DLG2: variants seen among roughly 807,000 people sequenced by gnomAD.
DLG2 encodes disks large homolog 2.
A neutral mutation model predicts 132.5 loss-of-function variants in DLG2; 45 were observed. The ratio of observed to expected loss-of-function variants is 0.34; its 90% CI spans 0.27 to 0.44. The LOEUF is 0.44. Ranked by LOEUF, DLG2 falls within the 20% of genes least tolerant of loss-of-function variation. The probability of loss-of-function intolerance (pLI) is 1.00; values close to 1 mark genes in which losing one functional copy is unlikely to be tolerated. For synonymous variants in DLG2, 424 were observed against 419.6 expected, an observed-to-expected ratio of 1.01 and a Z score of -0.13; for missense variants, 1,045 against 1,196.9, an observed-to-expected ratio of 0.87 and a Z score of 1.87.
chr11:83,879,206 G>C (rs1283307420), intron 15 of DLG2, among the ~76,000 whole-genome samples: 1 of 152,206 alleles, frequency 6.6e-6, no homozygotes, highest in Non-Finnish European at 1.5e-5. Flanking sequence ...GAGGCAATGA[G>C]AGGCAGGATA....
chr11:83,608,262 G>A (rs183154910), intron 19 of DLG2, among the ~76,000 whole-genome samples: 1 of 152,150 alleles, frequency 6.6e-6, no homozygotes, highest in African/African-American at 2.4e-5. Flanking sequence ...GCCTACAGTG[G>A]GCAAAATCAT....
At chr11:83,489,700 G>A (rs187205877) in intron 21 of DLG2, among the ~76,000 whole-genome samples, 8 of 150,412 alleles carry the variant, frequency 5.3e-5, no homozygotes, top group Non-Finnish European at 1.0e-4. Flanking sequence ...TAGTACTTAT[G>A]TACCCCCTGA....
intron 3 of DLG2, among the ~76,000 whole-genome samples, chr11:85,451,970 C>CT (rs1002337443): frequency 5.3e-5 from 8 of 151,726 alleles, no homozygotes; most frequent in Non-Finnish European, 1.2e-4. Flanking sequence ...GCTGAAATTT[C>CT]TTTTTTTTAT....
At chr11:83,576,056 A>G (rs964488388) in intron 19 of DLG2, among the ~76,000 whole-genome samples, 3 of 152,208 alleles carry the variant, frequency 2.0e-5, no homozygotes, top group African/African-American at 2.4e-5. Context: ...GACATGAAAC[A>G]TATAAAAAAA....
chr11:84,280,923 G>A (rs1460419801), intron 7 of DLG2, among the ~76,000 whole-genome samples: 9 of 110,084 alleles, frequency 8.2e-5, no homozygotes, highest in African/African-American at 3.2e-4. Flanking sequence ...GGGTTTTACT[G>A]TGTTAGCCAG....
chr11:84,207,757 A>T (rs184744084), intron 8 of DLG2, among the ~76,000 whole-genome samples: 10 of 152,318 alleles, frequency 6.6e-5, no homozygotes, highest in Admixed American at 6.5e-4. Context: ...CCAACTCACT[A>T]ACCATAAAAG....
intron 3 of DLG2, among the ~76,000 whole-genome samples, chr11:85,562,159 G>T (rs569701966): frequency 6.6e-6 from 1 of 151,940 alleles, no homozygotes; most frequent in African/African-American, 2.4e-5. Context: ...GCCCACCTGT[G>T]CTGGAGTTAA....
Position 83,769,390 on chromosome 11 carries a change from G to GA in DLG2, c.1825+17299dup, listed in dbSNP as rs560063052. On this transcript the variant is annotated intron_variant, in intron 18 of 27. Coordinates refer to ENST00000376104, the MANE Select transcript of DLG2 (RefSeq NM_001142699.3). Reference sequence around the variant, plus strand: ...TACTAGAGTCACTCCTTTCCCCCATGAAGCTCATAGTCTCTGGCCAGGTCA... The same window carrying GA: ...TACTAGAGTCACTCCTTTCCCCCATGAAAGCTCATAGTCTCTGGCCAGGTCA... 5.3e-5 allele frequency among the ~76,000 whole-genome samples: 8 copies of GA among 152,076 alleles called. No individual in the cohort carries two copies. The South Asian group carries it at 1.7e-3, about 32-fold the overall frequency.
intron 3 of DLG2, among the ~76,000 whole-genome samples, chr11:85,317,863 T>A (rs972667694): frequency 2.6e-5 from 4 of 151,794 alleles, no homozygotes; most frequent in Non-Finnish European, 4.4e-5. Context: ...CATGACACAA[T>A]TTTACCTATG....
intron 6 of DLG2, among the ~76,000 whole-genome samples, chr11:84,727,107 C>A (rs575364473): frequency 6.6e-6 from 1 of 152,258 alleles, no homozygotes; most frequent in African/African-American, 2.4e-5. Context: ...TTAATTAGAT[C>A]CTGTTTGTCA....
At chr11:84,611,024 T>C (rs868648723) in intron 6 of DLG2, among the ~76,000 whole-genome samples, 77 of 138,194 alleles carry the variant, frequency 5.6e-4, no homozygotes, top group African/African-American at 1.0e-3. Flanking sequence ...TTAGATGACA[T>C]ACACACACAC....
chr11:84,377,322 G>T (rs1047451274), intron 7 of DLG2, among the ~76,000 whole-genome samples: 1 of 151,922 alleles, frequency 6.6e-6, no homozygotes, highest in African/African-American at 2.4e-5. Context: ...ACCTATTCTA[G>T]ATTAAAGGGA....
At chr11:84,514,745 G>T (rs543751968) in intron 7 of DLG2, among the ~76,000 whole-genome samples, 126 of 151,966 alleles carry the variant, frequency 8.3e-4, no homozygotes, top group Admixed American at 1.6e-3. Context: ...TAAGAATACT[G>T]TTTGACAGCA....
rs376332073 is a variant in DLG2 at position 85,205,753 on chromosome 11, A to T, written c.187-51102T>A. Reference sequence around the variant, plus strand: ...CAGCCCAATTAGGAAAGACTGACCCAGACAGTAAGTATTAGCAAAGAAAGA... The same window carrying T: ...CAGCCCAATTAGGAAAGACTGACCCTGACAGTAAGTATTAGCAAAGAAAGA... On this transcript the variant is annotated intron_variant, in intron 4 of 27. Coordinates refer to ENST00000376104, the MANE Select transcript of DLG2 (RefSeq NM_001142699.3). 3.3e-5 allele frequency among the ~76,000 whole-genome samples: 5 copies of T among 152,294 alleles called. No individual in the cohort carries two copies. In the East Asian group the frequency reaches 9.6e-4, roughly 29 times the overall value.
chr11:84,621,461 T>C (rs2099613831), intron 6 of DLG2, among the ~76,000 whole-genome samples: 1 of 152,186 alleles, frequency 6.6e-6, no homozygotes, highest in African/African-American at 2.4e-5. Context: ...GATCACCATA[T>C]TATAGATTCA....
chr11:84,251,494 A>C (rs528800324), intron 7 of DLG2, among the ~76,000 whole-genome samples: 1 of 152,302 alleles, frequency 6.6e-6, no homozygotes, highest in Admixed American at 6.5e-5. Context: ...CATTTACCAC[A>C]TAAAGAAATT....
chr11:83,973,338 G>C (rs2091675433), intron 12 of DLG2, among the ~76,000 whole-genome samples: 3 of 152,032 alleles, frequency 2.0e-5, no homozygotes, highest in Admixed American at 1.3e-4. Flanking sequence ...ATAAAAAAGA[G>C]TGCAATAGGA....
chr11:84,888,698 C>T (rs2088783217), intron 6 of DLG2, among the ~76,000 whole-genome samples: 1 of 151,916 alleles, frequency 6.6e-6, no homozygotes, highest in Non-Finnish European at 1.5e-5. Flanking sequence ...TTCTTATTAG[C>T]TTCTATCCTC....
chr11:85,322,395 T>TA (rs903967928), intron 3 of DLG2, among the ~76,000 whole-genome samples: 1 of 152,174 alleles, frequency 6.6e-6, no homozygotes, highest in African/African-American at 2.4e-5. Context: ...ATCATTTGCC[T>TA]AACCTATACT....
Sources: gnomAD v4.1 joint callset for allele counts (sites outside exome capture counted in the v4.1 genomes callset) on GRCh38, gnomAD v4.1.1 for gene constraint, MANE v1.5 for transcripts, NCBI Gene and HGNC (gene_info 2026-07-23, HGNC 2026-07-21) for gene names.